Variants in ARHGEF4 observed in about 807,000 individuals in gnomAD.
The protein encoded by ARHGEF4 is APC-stimulated guanine nucleotide exchange factor 1.
A neutral mutation model predicts 162.0 loss-of-function variants in ARHGEF4; 119 were observed. That is an observed-to-expected ratio of 0.73 (90% CI 0.63 to 0.86). ARHGEF4 has a LOEUF of 0.86. Among genes scored for constraint, ARHGEF4 ranks in the 40% least tolerant of loss-of-function variants. The probability of loss-of-function intolerance (pLI) is 0.00; values close to 1 mark genes in which losing one functional copy is unlikely to be tolerated. For missense variants in ARHGEF4, 2,488 were observed against 2,456.0 expected (o/e 1.01, Z -0.28); for synonymous variants, 1,014 against 979.9 (o/e 1.03, Z -0.65).
intron 4 of ARHGEF4, among the ~76,000 whole-genome samples, chr2:130,970,103 G>T (rs1412991552): frequency 6.6e-6 from 1 of 152,210 alleles, no homozygotes; most frequent in East Asian, 1.9e-4. Context: ...GTGAACATTA[G>T]TATGTGAGTC....
At chr2:130,837,711 C>T (rs1183683672) in intron 1 of ARHGEF4, 3 of 414,362 alleles carry the variant, frequency 7.2e-6, no homozygotes, top group East Asian at 8.2e-5. Context: ...GGTGAGCCAG[C>T]GGGAGGGCGG....
chr2:130,921,285 A>G (rs537983256), intron 2 of ARHGEF4, among the ~76,000 whole-genome samples: 2 of 152,222 alleles, frequency 1.3e-5, no homozygotes, highest in Admixed American at 6.5e-5. Context: ...GCGGATCACG[A>G]GGTCAGGAGA....
At position 130,922,395 on chromosome 2, in the gene ARHGEF4, A is replaced by T. The variant is rs532665176; in HGVS notation, c.3552+4897A>T. ...TCAAAAAAAAAAAAAGAGTTTATTC[A>T]GCACAGAAGTCGAGGACTGCAGCCT... On this transcript the variant is annotated intron_variant, in intron 2 of 13. Coordinates refer to ENST00000409359, the MANE Select transcript of ARHGEF4 (RefSeq NM_001367493.1). 3.9e-5 allele frequency among the ~76,000 whole-genome samples: 6 copies of T among 152,192 alleles called. No homozygotes were observed. In the East Asian group the frequency reaches 1.2e-3, roughly 29 times the overall value.
rs577356087 is a variant in ARHGEF4, at chr2:130,876,826, C to A, written c.40-37160C>A. 2.0e-5 allele frequency among the ~76,000 whole-genome samples: 3 copies of A among 152,264 alleles called. No homozygotes were observed. The South Asian group carries it at 6.2e-4, about 32-fold the overall frequency. Reference sequence around the variant, plus strand: ...GATGTGGACCCAGTTCTGGATGATCCCAAAGCCTGTGTGATCTTTCAGGGT... The same window carrying A: ...GATGTGGACCCAGTTCTGGATGATCACAAAGCCTGTGTGATCTTTCAGGGT... On this transcript the variant is annotated intron_variant, in intron 1 of 13. Coordinates refer to ENST00000409359, the MANE Select transcript of ARHGEF4 (RefSeq NM_001367493.1).
rs1681403459 is a variant in ARHGEF4 at position 130,851,416 on chromosome 2, A to T, written c.39+14424A>T. Among the ~76,000 whole-genome samples the T allele has an allele frequency of 3.9e-5, 6 of 152,360 alleles. No homozygotes were observed. In the South Asian group the frequency reaches 1.2e-3, roughly 32 times the overall value. On this transcript the variant is annotated intron_variant, in intron 1 of 13. Coordinates refer to ENST00000409359, the MANE Select transcript of ARHGEF4 (RefSeq NM_001367493.1). ...AAGGAAGCTCACATCTTCCCATGAG[A>T]CAGGCAGCTGGGAGTGGGGTGAGAA...
intron 4 of ARHGEF4, among the ~76,000 whole-genome samples, chr2:130,978,827 A>T (rs1285583908): frequency 2.6e-5 from 4 of 151,692 alleles, no homozygotes; most frequent in African/African-American, 9.7e-5. Context: ...CAAAAGCCAT[A>T]AAAAAAATTA....
In ARHGEF4 at chr2:130,916,577, G is replaced by C; in HGVS notation, c.2631G>C (p.Thr877=). The part of the protein sequence containing the change: ...RTAGPAGAGH[T]GTSGDLGSRG... ...CAGGGCCGGCAGGAGCGGGGCACAC[G>C]GGGACCTCAGGGGATCTTGGTAGCC... Residue 877 remains threonine (T), a synonymous_variant, in exon 2 of 14, where the codon ACG becomes ACC. Coordinates refer to ENST00000409359, the MANE Select transcript of ARHGEF4 (RefSeq NM_001367493.1). 1.3e-6 allele frequency: 2 copies of C among 1,550,378 alleles called. No individual in the cohort carries two copies. Among genetic ancestry groups the C allele is most frequent in the Non-Finnish European group, 1.7e-6 (2 of 1,146,880 alleles).
At chr2:131,042,045 C>G (rs1690856621) in intron 10 of ARHGEF4, 101 bp downstream of exon 10, 5 of 1,456,610 alleles carry the variant, frequency 3.4e-6, no homozygotes, top group Non-Finnish European at 4.6e-6. Context: ...AAGCAGGGAG[C>G]TGCGCTCCTG....
chr2:130,900,736 G>A (rs1297684069), intron 1 of ARHGEF4, among the ~76,000 whole-genome samples: 1 of 152,110 alleles, frequency 6.6e-6, no homozygotes, highest in Non-Finnish European at 1.5e-5. Flanking sequence ...GATGATTCTG[G>A]TTGTGACGAG....
At chr2:130,979,756 A>AAC (rs61381039) in intron 4 of ARHGEF4, among the ~76,000 whole-genome samples, 4 of 148,148 alleles carry the variant, frequency 2.7e-5, no homozygotes, top group Non-Finnish European at 5.9e-5. Flanking sequence ...AAAAAAAAAA[A>AAC]CCTGAAATTT....
intron 1 of ARHGEF4, among the ~76,000 whole-genome samples, chr2:130,851,287 C>T (rs925407842): frequency 3.9e-5 from 6 of 152,336 alleles, no homozygotes; most frequent in South Asian, 2.1e-4. Context: ...CTGTTGGTGG[C>T]GCCAACTGTC....
Position 130,987,607 on chromosome 2 carries a change from G to A in ARHGEF4, c.3986-40338G>A, listed in dbSNP as rs144084516. Among the ~76,000 whole-genome samples, 1,463 of 152,150 alleles carry A rather than the reference G, an allele frequency of 9.6e-3. 6 individuals carry two copies. Among genetic ancestry groups the A allele is most frequent in the Middle Eastern group, 0.017 (5 of 294 alleles). The stretch of plus-strand genomic sequence containing the variant: ...CTTTTAGAATCCTGCTGATTGGTGC[G>A]TTTTACAGAGCACTGATTAGTGCAT... On this transcript the variant is annotated intron_variant, in intron 4 of 13. Transcript: ENST00000409359.
At chr2:131,019,155 G>A (rs1325453202) in intron 4 of ARHGEF4, among the ~76,000 whole-genome samples, 1 of 152,196 alleles carries the variant, frequency 6.6e-6, no homozygotes, top group East Asian at 1.9e-4. Flanking sequence ...GCTCATGCCT[G>A]TAATCTCAGC....
chr2:131,032,181 A>G (rs756566141), intron 5 of ARHGEF4, among the ~76,000 whole-genome samples: 6 of 151,874 alleles, frequency 4.0e-5, no homozygotes, highest in Non-Finnish European at 7.4e-5. Flanking sequence ...GCGCACTGAT[A>G]GGCATCAGGC....
Position 130,913,984 on chromosome 2 carries a change from A to C in ARHGEF4, c.40-2A>C. 1 of 1,536,098 alleles carries C rather than the reference A, an allele frequency of 6.5e-7. No individual in the cohort carries two copies. Among genetic ancestry groups the C allele is most frequent in the Non-Finnish European group, 8.7e-7 (1 of 1,146,900 alleles). On this transcript the variant is annotated splice_acceptor_variant, in intron 1 of 13. Coordinates refer to ENST00000409359, the MANE Select transcript of ARHGEF4 (RefSeq NM_001367493.1). LOFTEE classifies it high-confidence loss of function. ...CTGACTCCTCTCTTCTTGCCCTCCC[A>C]GACTCCAGAGCCAGGTGCACACCTG...
At chr2:130,882,827 C>T (rs1180911942) in intron 1 of ARHGEF4, among the ~76,000 whole-genome samples, 2 of 151,874 alleles carry the variant, frequency 1.3e-5, no homozygotes, top group Non-Finnish European at 2.9e-5. Flanking sequence ...GTTTGCACCC[C>T]GTCAAGCAGA....
chr2:131,034,931 G>T (rs1334152661), intron 5 of ARHGEF4: 3 of 969,638 alleles, frequency 3.1e-6, no homozygotes, highest in African/African-American at 3.5e-5. Flanking sequence ...GGTTGCCAGG[G>T]CTTGGGGCCT....
At chr2:130,860,893 T>C (rs1681979854) in intron 1 of ARHGEF4, among the ~76,000 whole-genome samples, 1 of 66,678 alleles carries the variant, frequency 1.5e-5, no homozygotes, top group Non-Finnish European at 2.4e-5. Flanking sequence ...AGTAGCGCTA[T>C]GTAAGAGTAA....
At chr2:130,992,540 A>G (rs1043055816) in intron 4 of ARHGEF4, among the ~76,000 whole-genome samples, 4 of 151,974 alleles carry the variant, frequency 2.6e-5, no homozygotes, top group Non-Finnish European at 5.9e-5. Flanking sequence ...GAGACCACGA[A>G]CCGGGCGGGA....
Sources: gnomAD v4.1 joint callset for allele counts (sites outside exome capture counted in the v4.1 genomes callset) on GRCh38, gnomAD v4.1.1 for gene constraint, MANE v1.5 for transcripts, NCBI Gene and HGNC (gene_info 2026-07-23, HGNC 2026-07-21) for gene names.